PRR16: variants seen among roughly 807,000 people sequenced by gnomAD.
PRR16 encodes the protein protein Largen.
In PRR16, 6 loss-of-function variants were observed where a neutral mutation model predicts 18.2. The observed-to-expected ratio is 0.33, with a 90% CI of 0.18 to 0.65. The LOEUF (loss-of-function observed/expected upper bound fraction) is 0.65. Among genes scored for constraint, PRR16 ranks in the 30% least tolerant of loss-of-function variants. The probability of loss-of-function intolerance (pLI) is 0.74; values close to 1 mark genes in which losing one functional copy is unlikely to be tolerated. For synonymous variants in PRR16, 151 were observed against 147.8 expected (o/e 1.02, Z -0.16); for missense variants, 412 against 376.6 (o/e 1.09, Z -0.78).
intron 1 of PRR16, among the ~76,000 whole-genome samples, chr5:120,486,526 A>T (rs574695844): frequency 0.012 from 1,818 of 151,384 alleles, 16 homozygotes; most frequent in Non-Finnish European, 0.019. Flanking sequence ...GTTTGAGTTC[A>T]TTGTAGATGC....
At chr5:120,513,743 T>C (rs1259032198) in intron 1 of PRR16, among the ~76,000 whole-genome samples, 1 of 151,780 alleles carries the variant, frequency 6.6e-6, no homozygotes, top group Non-Finnish European at 1.5e-5. Context: ...CTTAAGAACA[T>C]AGAGATCCCA....
At chr5:120,760,728 G>A in the PRR16 span, among the ~76,000 whole-genome samples, 1 of 152,160 alleles carries the variant, frequency 6.6e-6, no homozygotes, top group African/African-American at 2.4e-5. Context: ...GCCCCAGGGA[G>A]CAACCTTCGA....
chr5:120,742,261 AAT>A, the PRR16 span, among the ~76,000 whole-genome samples: 1 of 139,468 alleles, frequency 7.2e-6, no homozygotes, highest in Non-Finnish European at 1.5e-5. Flanking sequence ...TTCTATTTTC[AAT>A]GTTTTGTTAC....
At chr5:120,490,946 C>T (rs931787718) in intron 1 of PRR16, among the ~76,000 whole-genome samples, 5 of 152,212 alleles carry the variant, frequency 3.3e-5, no homozygotes, top group African/African-American at 1.2e-4. Context: ...TGGATATCAG[C>T]AGCGGAGGCT....
chr5:120,719,049 G>A, the PRR16 span, among the ~76,000 whole-genome samples: 1 of 152,038 alleles, frequency 6.6e-6, no homozygotes, highest in African/African-American at 2.4e-5. Flanking sequence ...AATGCTGTTT[G>A]GGCAATATGT....
chr5:120,678,158 C>T (rs1434672189), intron 1 of PRR16, among the ~76,000 whole-genome samples: 3 of 151,922 alleles, frequency 2.0e-5, no homozygotes, highest in Admixed American at 1.3e-4. Flanking sequence ...ATCCGCCTGC[C>T]TCGGCCTCCC....
intron 1 of PRR16, among the ~76,000 whole-genome samples, chr5:120,568,716 T>C (rs933556335): frequency 6.6e-6 from 1 of 152,202 alleles, no homozygotes; most frequent in South Asian, 2.1e-4. Context: ...TTGGTAATTA[T>C]AACTTATACA....
chr5:120,487,642 C>G (rs190981128), intron 1 of PRR16, among the ~76,000 whole-genome samples: 1 of 152,078 alleles, frequency 6.6e-6, no homozygotes, highest in Non-Finnish European at 1.5e-5. Flanking sequence ...CCTCTATTTC[C>G]TTCTCCTGCC....
intron 1 of PRR16, among the ~76,000 whole-genome samples, chr5:120,675,764 T>G (rs1224259939): frequency 6.6e-6 from 1 of 152,160 alleles, no homozygotes; most frequent in East Asian, 1.9e-4. Flanking sequence ...GCACAATAAA[T>G]TATAATTGAA....
chr5:120,720,019 G>T, the PRR16 span, among the ~76,000 whole-genome samples: 4 of 152,026 alleles, frequency 2.6e-5, no homozygotes, highest in South Asian at 6.2e-4. Flanking sequence ...ATAGTGGAAG[G>T]TTTTATCAGT....
intron 1 of PRR16, among the ~76,000 whole-genome samples, chr5:120,510,759 A>G (rs975687926): frequency 6.6e-6 from 1 of 152,228 alleles, no homozygotes; most frequent in Non-Finnish European, 1.5e-5. Context: ...ATTGAGACAG[A>G]GTCAATAAAT....
intron 1 of PRR16, among the ~76,000 whole-genome samples, chr5:120,549,450 T>G (rs1752184004): frequency 6.6e-6 from 1 of 151,998 alleles, no homozygotes; most frequent in Admixed American, 6.6e-5. Flanking sequence ...CAATGTGTCC[T>G]TCCATTATTA....
At chr5:120,766,229 A>G in the PRR16 span, among the ~76,000 whole-genome samples, 1 of 152,018 alleles carries the variant, frequency 6.6e-6, no homozygotes, top group Non-Finnish European at 1.5e-5. Flanking sequence ...GCAGCATTCC[A>G]GGGTTCTGGT....
At chr5:120,742,611 GC>G in the PRR16 span, among the ~76,000 whole-genome samples, 2 of 151,826 alleles carry the variant, frequency 1.3e-5, no homozygotes, top group Non-Finnish European at 2.9e-5. Flanking sequence ...ATACCTATTG[GC>G]TTTCTTCAAA....
At chr5:120,479,671 T>C (rs1016293070) in intron 1 of PRR16, among the ~76,000 whole-genome samples, 9 of 152,156 alleles carry the variant, frequency 5.9e-5, no homozygotes, top group Admixed American at 5.9e-4. Context: ...TGCTAGCACT[T>C]GTAAAGAAGA....
chr5:120,750,451 G>C, the PRR16 span, among the ~76,000 whole-genome samples: 1 of 151,938 alleles, frequency 6.6e-6, no homozygotes, highest in Non-Finnish European at 1.5e-5. Flanking sequence ...CTGAGGTCAG[G>C]AGTTCGAGAC....
chr5:120,704,137 G>C, the PRR16 span, among the ~76,000 whole-genome samples: 2 of 152,146 alleles, frequency 1.3e-5, no homozygotes, highest in African/African-American at 4.8e-5. Flanking sequence ...AAACTCTGTA[G>C]AAAACAGCTT....
chr5:120,650,113 G>A (rs893935222), intron 1 of PRR16, among the ~76,000 whole-genome samples: 16 of 151,686 alleles, frequency 1.1e-4, no homozygotes, highest in African/African-American at 3.4e-4. Flanking sequence ...AGCTACTCAG[G>A]AGGCTGAGGC....
rs140750486 is a variant in PRR16, at chr5:120,479,165, T to C, written c.159+14520T>C. ...AGGTAGAAATGGGGCTTTCCTAACCTAATATTGTTTGGAGATTATCCTATC... is the reference window on the plus strand; with the variant it reads ...AGGTAGAAATGGGGCTTTCCTAACCCAATATTGTTTGGAGATTATCCTATC... On this transcript the variant is annotated intron_variant, in intron 1 of 1. Coordinates refer to ENST00000407149, the MANE Select transcript of PRR16 (RefSeq NM_001300783.2). Among the ~76,000 whole-genome samples, 557 of 152,296 alleles carry C rather than the reference T, an allele frequency of 3.7e-3. 16 individuals are homozygous for C. The East Asian group carries it at 0.069, about 19-fold the overall frequency.
Sources: allele counts gnomAD v4.1 joint callset (sites outside exome capture counted in the v4.1 genomes callset), GRCh38; gene constraint gnomAD v4.1.1; transcripts MANE v1.5; gene names NCBI Gene and HGNC (gene_info 2026-07-23, HGNC 2026-07-21).